The following RASGEF1C variants were observed in gnomAD, a reference collection of about 807,000 sequenced individuals.
The protein encoded by RASGEF1C is RasGEF domain family member 1C.
RASGEF1C carries 27 observed loss-of-function variants against 58.1 expected under a neutral mutation model. The observed-to-expected ratio is 0.46, with a 90% CI of 0.34 to 0.64. RASGEF1C has a LOEUF of 0.64. RASGEF1C is among the 30% of genes least tolerant of loss of function. RASGEF1C has a pLI of 0.01. For synonymous variants in RASGEF1C, 243 were observed against 246.3 expected (o/e 0.99, Z 0.13); for missense variants, 502 against 605.1 (o/e 0.83, Z 1.79).
At chr5:180,124,852 C>T (rs551783204) in intron 6 of RASGEF1C, among the ~76,000 whole-genome samples, 125 of 152,004 alleles carry the variant, frequency 8.2e-4, no homozygotes, top group Non-Finnish European at 1.1e-3. Flanking sequence ...AAAAACTAGG[C>T]CAGGTGAGGT....
At chr5:180,181,233 T>C (rs1038536660) in intron 1 of RASGEF1C, among the ~76,000 whole-genome samples, 2 of 152,108 alleles carry the variant, frequency 1.3e-5, no homozygotes, top group African/African-American at 4.8e-5. Flanking sequence ...CAGGTAAACA[T>C]AAAAGACTTA....
chr5:180,108,204 C>CTTTTTT (rs34249635), intron 12 of RASGEF1C, among the ~76,000 whole-genome samples: 1 of 124,976 alleles, frequency 8.0e-6, no homozygotes, highest in Admixed American at 7.5e-5. Context: ...TTCTTTCTTT[C>CTTTTTT]TTTTTTTTTT....
At chr5:180,109,695 G>A (rs1373012221) in intron 12 of RASGEF1C, among the ~76,000 whole-genome samples, 1 of 152,188 alleles carries the variant, frequency 6.6e-6, no homozygotes. Context: ...GAGAGAAGAT[G>A]ATGTGATGAT....
At chr5:180,208,287 G>A (rs1581135596) in intron 1 of RASGEF1C, among the ~76,000 whole-genome samples, 1 of 152,120 alleles carries the variant, frequency 6.6e-6, no homozygotes, top group African/African-American at 2.4e-5. Context: ...GGAGGCAGGA[G>A]ATACGGGCCC....
At chr5:180,176,556 CTTTTTTT>C (rs538002188) in intron 1 of RASGEF1C, among the ~76,000 whole-genome samples, 7 of 138,380 alleles carry the variant, frequency 5.1e-5, no homozygotes, top group African/African-American at 1.9e-4. Context: ...AAGGCTAATA[CTTTTTTT>C]TTTTTTTTTT....
intron 6 of RASGEF1C, among the ~76,000 whole-genome samples, chr5:180,122,077 T>C (rs908433260): frequency 5.0e-5 from 7 of 138,824 alleles, no homozygotes; most frequent in Admixed American, 3.8e-4. Context: ...ATGAGATCAA[T>C]AGTAATCAAT....
Position 180,126,027 on chromosome 5 carries a change from G to T in RASGEF1C, c.714+1582C>A, listed in dbSNP as rs369924312. ...CACAAATGTTCATCTACAGTAGGGG[G>T]ATAAAACAAATGTCATGTGTCGTCT... is the stretch of plus-strand genomic sequence containing the variant. On this transcript the variant is annotated intron_variant, in intron 6 of 13. Transcript: ENST00000361132. Among the ~76,000 whole-genome samples the T allele has an allele frequency of 3.3e-5, 5 of 152,130 alleles. No individual in the cohort carries two copies. In the East Asian group the frequency reaches 9.6e-4, roughly 29 times the overall value.
intron 1 of RASGEF1C, among the ~76,000 whole-genome samples, chr5:180,189,923 C>CAAAAAAAAAAAAAAAAA (rs71001085): frequency 2.7e-5 from 1 of 37,204 alleles, no homozygotes; most frequent in Non-Finnish European, 4.6e-5. Flanking sequence ...AACTCCATCT[C>CAAAAAAAAAAAAAAAAA]AAAAAAAAAA....
chr5:180,202,788 C>T (rs566239067), intron 1 of RASGEF1C, among the ~76,000 whole-genome samples: 48 of 151,878 alleles, frequency 3.2e-4, no homozygotes, highest in African/African-American at 9.7e-4. Flanking sequence ...CTGCAAGCTC[C>T]GCCTCCCGGG....
chr5:180,175,742 G>C (rs544072706), intron 1 of RASGEF1C, among the ~76,000 whole-genome samples: 34 of 152,362 alleles, frequency 2.2e-4, no homozygotes, highest in African/African-American at 7.7e-4. Context: ...GCTCACGCCT[G>C]TGATCCCAGC....
At chr5:180,170,241 C>CGA (rs1581117986) in intron 1 of RASGEF1C, among the ~76,000 whole-genome samples, 2 of 152,146 alleles carry the variant, frequency 1.3e-5, no homozygotes, top group East Asian at 1.9e-4. Context: ...GGGGAGGGGC[C>CGA]GAGAGCTCAG....
At chr5:180,131,422 A>T (rs149006695) in intron 4 of RASGEF1C, among the ~76,000 whole-genome samples, 14 of 149,616 alleles carry the variant, frequency 9.4e-5, no homozygotes, top group Non-Finnish European at 1.6e-4. Context: ...CCCTTCTGGC[A>T]CGTTCTCCTC....
At chr5:180,159,643 G>C (rs1766906265) in intron 1 of RASGEF1C, among the ~76,000 whole-genome samples, 1 of 152,232 alleles carries the variant, frequency 6.6e-6, no homozygotes, top group African/African-American at 2.4e-5. Context: ...CAAGCTCGCA[G>C]TGGGGAGATC....
At chr5:180,118,996 G>T (rs981855082) in intron 8 of RASGEF1C, 130 bp from the exon 9 acceptor site, 3 of 807,218 alleles carry the variant, frequency 3.7e-6, no homozygotes, top group African/African-American at 1.7e-5. Context: ...ATGGTGGGTG[G>T]GTGAGGGGGT....
chr5:180,205,715 ATAT>A (rs10577396), intron 1 of RASGEF1C, among the ~76,000 whole-genome samples: 103,553 of 147,014 alleles, frequency 0.7, 37,832 homozygotes, highest in East Asian at 0.83. Context: ...CATTATTATA[ATAT>A]TATTATTATT....
chr5:180,182,064 G>A (rs952484680), intron 1 of RASGEF1C, among the ~76,000 whole-genome samples: 2 of 151,836 alleles, frequency 1.3e-5, no homozygotes. Context: ...AATTAGCCGG[G>A]CATGGTGGCG....
intron 10 of RASGEF1C, chr5:180,115,212 C>T: frequency 2.6e-6 from 1 of 383,188 alleles, no homozygotes; most frequent in South Asian, 1.9e-5. Flanking sequence ...ACGGGGGTTT[C>T]ACCATGTTGG....
chr5:180,156,867 A>G lies in RASGEF1C; in HGVS notation c.-6-18809T>C, dbSNP rs561647652. On this transcript the variant is annotated intron_variant, in intron 1 of 13. Coordinates refer to ENST00000361132, the MANE Select transcript of RASGEF1C (RefSeq NM_175062.4). This position sits in a 1 kb window ranked among gnomAD's most constrained non-coding sequence, Gnocchi z 4.9. Reference sequence around the variant, plus strand: ...GATTAATAAAGGAGACAAAGACCTTAACAGGCACCTGACCAAAGAAGATAT... The same window carrying G: ...GATTAATAAAGGAGACAAAGACCTTGACAGGCACCTGACCAAAGAAGATAT... 1.3e-5 allele frequency among the ~76,000 whole-genome samples: 2 copies of G among 152,388 alleles called. No homozygotes were observed. Among genetic ancestry groups the G allele is most frequent in the East Asian group, 3.9e-4 (2 of 5,190 alleles).
chr5:180,200,466 C>T lies in RASGEF1C; in HGVS notation c.-7+8562G>A, dbSNP rs577835288. 3.8e-4 allele frequency among the ~76,000 whole-genome samples: 58 copies of T among 151,662 alleles called. No individual in the cohort carries two copies. In the South Asian group the frequency reaches 8.0e-3, roughly 21 times the overall value. On this transcript the variant is annotated intron_variant, in intron 1 of 13. Transcript: ENST00000361132. Reference sequence around the variant, plus strand: ...CCGGGACTACAGGCGCCCGCCACCACGCCAGGCTAATTTTTTTTTGGTATT... The same window carrying T: ...CCGGGACTACAGGCGCCCGCCACCATGCCAGGCTAATTTTTTTTTGGTATT...
Sources: gnomAD v4.1 joint callset for allele counts (sites outside exome capture counted in the v4.1 genomes callset) on GRCh38, gnomAD v4.1.1 for gene constraint, Gnocchi (gnomAD v3.1) non-coding constraint, MANE v1.5 for transcripts, NCBI Gene and HGNC (gene_info 2026-07-23, HGNC 2026-07-21) for gene names.